Variants in KSR1 observed in about 807,000 individuals in gnomAD.
KSR1 encodes the protein kinase suppressor of ras.
Under a neutral mutation model 92.9 loss-of-function variants are expected in KSR1, and 35 were observed. That is an observed-to-expected ratio of 0.38 (90% confidence interval 0.29 to 0.50). The LOEUF (loss-of-function observed/expected upper bound fraction) is 0.50. Among genes scored for constraint, KSR1 ranks in the 20% least tolerant of loss-of-function variants. The probability of loss-of-function intolerance (pLI) is 0.94; values close to 1 mark genes in which losing one functional copy is unlikely to be tolerated. For missense variants in KSR1, 972 were observed against 1,158.5 expected, an observed-to-expected ratio of 0.84 and a Z score of 2.34; for synonymous variants, 467 against 472.6, an observed-to-expected ratio of 0.99 and a Z score of 0.15.
At position 27,574,669 on chromosome 17, in the gene KSR1, G is replaced by A. The variant is rs541580999; in HGVS notation, c.373-2823G>A. On this transcript the variant is annotated intron_variant, in intron 2 of 20. Coordinates refer to ENST00000644974, the MANE Select transcript of KSR1 (RefSeq NM_001394583.1). Reference sequence around the variant, plus strand: ...TCAGCCAGTATCTTCATTAGGGTTAGTTTTGACGCTTGAGACAAGGAATTA... The same window carrying A: ...TCAGCCAGTATCTTCATTAGGGTTAATTTTGACGCTTGAGACAAGGAATTA... Among the ~76,000 whole-genome samples, 3 of 152,308 alleles carry A rather than the reference G, an allele frequency of 2.0e-5. No individual in the cohort carries two copies. In the South Asian group the frequency reaches 6.2e-4, roughly 32 times the overall value.
Position 27,583,108 on chromosome 17 carries a change from G to T in KSR1, c.980+3G>T. 1 of 1,533,382 alleles carries T rather than the reference G, an allele frequency of 6.5e-7. No individual in the cohort carries two copies. Among genetic ancestry groups the T allele is most frequent in the Non-Finnish European group, 8.8e-7 (1 of 1,137,540 alleles). The allele number at this position is 1,533,382 out of a possible 1,614,324, so 95.0% of individuals were successfully genotyped here. On this transcript the variant is annotated splice_donor_region_variant and intron_variant, in intron 4 of 20. Coordinates refer to ENST00000644974, the MANE Select transcript of KSR1 (RefSeq NM_001394583.1). Reference sequence around the variant, plus strand: ...ATTGATGACGTCTCCTCGATGAGGTGAGTGCTCCTTCTGGGCAGCTACCAA... The same window carrying T: ...ATTGATGACGTCTCCTCGATGAGGTTAGTGCTCCTTCTGGGCAGCTACCAA...
chr17:27,600,090 CTTTTTTTTTTTTT>C (rs552526373), intron 10 of KSR1, among the ~76,000 whole-genome samples: 3 of 115,332 alleles, frequency 2.6e-5, no homozygotes, highest in Non-Finnish European at 3.5e-5. Flanking sequence ...TTACAGATAA[CTTTTTTTTTTTTT>C]TTTTTTTTTT....
intron 1 of KSR1, among the ~76,000 whole-genome samples, chr17:27,474,695 G>T (rs959413841): frequency 1.3e-5 from 2 of 152,116 alleles, no homozygotes; most frequent in Non-Finnish European, 1.5e-5. Flanking sequence ...ACCCATTAGG[G>T]ACTGGGCACT....
At chr17:27,517,109 C>A (rs2069827118) in intron 1 of KSR1, among the ~76,000 whole-genome samples, 2 of 152,208 alleles carry the variant, frequency 1.3e-5, no homozygotes, top group Admixed American at 6.5e-5. Context: ...GAATCCCCTT[C>A]CCTTTCTAGG....
chr17:27,622,983 C>G, intron 20 of KSR1: 1 of 343,564 alleles, frequency 2.9e-6, no homozygotes, highest in Non-Finnish European at 5.3e-6. Flanking sequence ...TTTCTCTTCT[C>G]TCTCAGTTCT....
intron 14 of KSR1, among the ~76,000 whole-genome samples, chr17:27,607,442 TC>T: frequency 6.6e-6 from 1 of 152,058 alleles, no homozygotes; most frequent in Admixed American, 6.6e-5. Flanking sequence ...CCACCCCCTT[TC>T]CCTCCTTGCA....
At chr17:27,576,949 G>C (rs1218751024) in intron 2 of KSR1, among the ~76,000 whole-genome samples, 4 of 152,142 alleles carry the variant, frequency 2.6e-5, no homozygotes, top group Non-Finnish European at 4.4e-5. Flanking sequence ...TAATCTCTCT[G>C]AGCCTCTTTC....
In KSR1 at chr17:27,590,909, A is replaced by C; in HGVS notation, c.1130+15A>C. The C allele has an allele frequency of 6.3e-7, 1 of 1,593,732 alleles. No homozygotes were observed. The highest frequency in any genetic ancestry group is 8.6e-7 in the Non-Finnish European group (1 of 1,165,570). The stretch of plus-strand genomic sequence containing the variant: ...AAGCATTGCAGGTGATGGGAAGAGG[A>C]GTGGGGGTGGGGGGAGCAGACACTT... On this transcript the variant is annotated intron_variant, in intron 7 of 20. Transcript: ENST00000644974.
At chr17:27,594,796 A>G (rs1367461639) in intron 9 of KSR1, among the ~76,000 whole-genome samples, 1 of 147,026 alleles carries the variant, frequency 6.8e-6, no homozygotes, top group Non-Finnish European at 1.5e-5. Flanking sequence ...CTGAGGGCCC[A>G]GTGATGCTGT....
chr17:27,548,704 C>T (rs930607602), intron 1 of KSR1, among the ~76,000 whole-genome samples: 3 of 152,182 alleles, frequency 2.0e-5, no homozygotes, highest in Admixed American at 6.5e-5. Flanking sequence ...GTGGCATGCG[C>T]CTATACTTCC....
chr17:27,563,271 T>G (rs2071909622), intron 2 of KSR1, among the ~76,000 whole-genome samples: 3 of 152,166 alleles, frequency 2.0e-5, no homozygotes, highest in South Asian at 4.1e-4. Context: ...CTGTTTCCTT[T>G]CCTTTCCATT....
intron 12 of KSR1, 123 bp downstream of exon 12, chr17:27,604,011 G>C: frequency 1.0e-6 from 1 of 973,352 alleles, no homozygotes; most frequent in Non-Finnish European, 1.6e-6. Context: ...GAACTCCCTG[G>C]GCTCATTCAC....
At chr17:27,513,965 A>G (rs2069696112) in intron 1 of KSR1, among the ~76,000 whole-genome samples, 1 of 152,232 alleles carries the variant, frequency 6.6e-6, no homozygotes, top group Non-Finnish European at 1.5e-5. Context: ...AATCGTCGGA[A>G]AGGCTGAGGC....
At chr17:27,596,176 A>G (rs996774935) in intron 9 of KSR1, among the ~76,000 whole-genome samples, 1 of 152,248 alleles carries the variant, frequency 6.6e-6, no homozygotes, top group Non-Finnish European at 1.5e-5. Context: ...GTTAAAACCA[A>G]AAAGTTACTA....
intron 9 of KSR1, among the ~76,000 whole-genome samples, chr17:27,594,397 A>G (rs935006029): frequency 5.3e-5 from 8 of 151,938 alleles, no homozygotes; most frequent in South Asian, 2.1e-4. Flanking sequence ...AGCTACACCA[A>G]GCACACCCCC....
At chr17:27,519,678 T>TG (rs2069942842) in intron 1 of KSR1, among the ~76,000 whole-genome samples, 1 of 152,144 alleles carries the variant, frequency 6.6e-6, no homozygotes, top group Non-Finnish European at 1.5e-5. Flanking sequence ...GCCAGATTTG[T>TG]GGGGGATTTC....
chr17:27,459,937 G>A lies in KSR1; in HGVS notation c.231+3063G>A, dbSNP rs892698971. Among the ~76,000 whole-genome samples the A allele has an allele frequency of 1.3e-5, 2 of 152,208 alleles. No individual in the cohort carries two copies. Among genetic ancestry groups the A allele is most frequent in the Non-Finnish European group, 2.9e-5 (2 of 68,044 alleles). On this transcript the variant is annotated intron_variant, in intron 1 of 20. Transcript: ENST00000644974. This position sits in a 1 kb window ranked among gnomAD's most constrained non-coding sequence, Gnocchi z 4.6. ...TTAACGTTTGCTGCCTGTGTGCCTA[G>A]CAGCGTGCCTGACTCTTCTCAAACT...
Position 27,601,360 on chromosome 17 carries a change from C to T in KSR1, c.1469C>T (p.Ala490Val). The T allele has an allele frequency of 6.2e-7, 1 of 1,613,312 alleles. No individual in the cohort carries two copies. The highest frequency in any genetic ancestry group is 8.5e-7 in the Non-Finnish European group (1 of 1,179,306). Reference protein sequence around the residue: ...GQRDSRFNFPAAYFIHHRQQF... With the variant: ...GQRDSRFNFPVAYFIHHRQQF... Reference sequence around the variant, plus strand: ...GACTCACCTCCTCTTCTGTTTAAAGCTGCCTACTTCATTCATCATAGACAG... The same window carrying T: ...GACTCACCTCCTCTTCTGTTTAAAGTTGCCTACTTCATTCATCATAGACAG... The change falls in exon 11 of 21, where the codon GCT (alanine) becomes GTT (valine). Residue 490 changes from alanine (A) to valine (V), a missense_variant and splice_region_variant. Physicochemically the swap from Ala to Val is moderately conservative, Grantham distance 64. Transcript: ENST00000644974.
intron 1 of KSR1, among the ~76,000 whole-genome samples, chr17:27,485,887 C>T (rs901273419): frequency 1.3e-5 from 2 of 152,146 alleles, no homozygotes; most frequent in Admixed American, 6.5e-5. Flanking sequence ...GCTGCTCCCC[C>T]GAGGATTGAA....
Sources: gnomAD v4.1 joint callset for allele counts (sites outside exome capture counted in the v4.1 genomes callset) on GRCh38, gnomAD v4.1.1 for gene constraint, Gnocchi (gnomAD v3.1) non-coding constraint, MANE v1.5 for transcripts, NCBI Gene and HGNC (gene_info 2026-07-23, HGNC 2026-07-21) for gene names.